The following SEMA3E variants were observed in gnomAD, a reference collection of about 807,000 sequenced individuals.
SEMA3E encodes the protein semaphorin-3E.
Under a neutral mutation model 93.6 loss-of-function variants are expected in SEMA3E, and 49 were observed. The ratio of observed to expected loss-of-function variants is 0.52; its 90% confidence interval spans 0.42 to 0.66. SEMA3E has a LOEUF of 0.66. SEMA3E is among the 30% of genes least tolerant of loss of function. SEMA3E has a pLI of 0.00. For missense variants in SEMA3E, 906 were observed against 964.8 expected, an observed-to-expected ratio of 0.94 and a Z score of 0.81; for synonymous variants, 363 against 330.7, an observed-to-expected ratio of 1.10 and a Z score of -1.06.
chr7:83,512,031 T>C (rs1790834617), intron 1 of SEMA3E, among the ~76,000 whole-genome samples: 1 of 152,166 alleles, frequency 6.6e-6, no homozygotes, highest in Non-Finnish European at 1.5e-5. Context: ...AGATTAAAAG[T>C]TACGATTCAT....
At chr7:83,387,144 G>T in intron 14 of SEMA3E, 94 bp from the exon 15 acceptor site, 1 of 980,528 alleles carries the variant, frequency 1.0e-6, no homozygotes, top group Non-Finnish European at 1.6e-6. Context: ...GTAGTATTCT[G>T]CTACTGAAAA....
At chr7:83,464,556 G>C (rs1789709168) in intron 4 of SEMA3E, among the ~76,000 whole-genome samples, 1 of 138,772 alleles carries the variant, frequency 7.2e-6, no homozygotes, top group Admixed American at 7.8e-5. Flanking sequence ...AATCTTTGCT[G>C]GCAGGACTAT....
chr7:83,482,480 G>C (rs1790165977), intron 2 of SEMA3E, among the ~76,000 whole-genome samples: 1 of 150,162 alleles, frequency 6.7e-6, no homozygotes, highest in African/African-American at 2.5e-5. Context: ...CAGAAGAATG[G>C]CGTGAACCCA....
intron 1 of SEMA3E, among the ~76,000 whole-genome samples, chr7:83,511,312 A>G (rs1790813857): frequency 6.6e-6 from 1 of 150,924 alleles, no homozygotes; most frequent in African/African-American, 2.4e-5. Context: ...ATGAGAAAAC[A>G]GACATTTTAG....
intron 1 of SEMA3E, among the ~76,000 whole-genome samples, chr7:83,619,764 G>C (rs1380102088): frequency 2.0e-5 from 3 of 151,372 alleles, no homozygotes; most frequent in Non-Finnish European, 4.4e-5. Flanking sequence ...GAGACAAAAT[G>C]AAAGTACATA....
chr7:83,474,518 A>C (rs1395711515), intron 2 of SEMA3E, among the ~76,000 whole-genome samples: 2 of 152,246 alleles, frequency 1.3e-5, no homozygotes, highest in African/African-American at 4.8e-5. Flanking sequence ...TATAAACTTT[A>C]AGTGAAAACA....
At chr7:83,460,297 A>G (rs963633910) in intron 4 of SEMA3E, among the ~76,000 whole-genome samples, 2 of 151,258 alleles carry the variant, frequency 1.3e-5, no homozygotes, top group African/African-American at 4.9e-5. Flanking sequence ...CTCTTCTCCA[A>G]CCTCTCTCAC....
chr7:83,559,260 A>G (rs1356135727), intron 1 of SEMA3E, among the ~76,000 whole-genome samples: 1 of 152,076 alleles, frequency 6.6e-6, no homozygotes, highest in Non-Finnish European at 1.5e-5. Flanking sequence ...GACAAGATTG[A>G]AAGGTGATAT....
intron 1 of SEMA3E, among the ~76,000 whole-genome samples, chr7:83,592,390 T>A (rs1792773491): frequency 6.6e-6 from 1 of 152,150 alleles, no homozygotes; most frequent in African/African-American, 2.4e-5. Flanking sequence ...TTTAAAGTAC[T>A]GTTGAGTCTA....
At chr7:83,371,243 T>C (rs1389744017) in intron 16 of SEMA3E, among the ~76,000 whole-genome samples, 2 of 152,138 alleles carry the variant, frequency 1.3e-5, no homozygotes, top group African/African-American at 4.8e-5. Flanking sequence ...ACAAAGATGG[T>C]ATAATATGTT....
rs1787855789 is a variant in SEMA3E at position 83,385,319 on chromosome 7, T to C, written c.1850A>G (p.Lys617Arg). ...CTCCTCTTTTCTTGTCTCACGTCCT[T>C]TCTGTACAAACCAGATAACTTTCGC... ...LQAKVIWFVQ[K>R]GRETRKEEVK... is the part of the protein sequence containing the mutation. The change falls in exon 16 of 17, where the codon AAA (lysine) becomes AGA (arginine). Residue 617 changes from lysine to arginine, a missense_variant. Physicochemically the swap from Lys to Arg is conservative, Grantham distance 26. Transcript: ENST00000643230. The C allele has an allele frequency of 7.4e-6, 12 of 1,613,332 alleles. No individual in the cohort carries two copies. Among genetic ancestry groups the C allele is most frequent in the Non-Finnish European group, 1.0e-5 (12 of 1,179,550 alleles).
rs2116918940 is a variant in SEMA3E, at chr7:83,386,975, T to C, written c.1735+8A>G. The C allele has an allele frequency of 6.2e-7, 1 of 1,612,546 alleles. No homozygotes were observed. Among genetic ancestry groups the C allele is most frequent in the Non-Finnish European group, 8.5e-7 (1 of 1,179,014 alleles). On this transcript the variant is annotated splice_region_variant and intron_variant, in intron 15 of 16. Transcript: ENST00000643230. ...GTAACCCAGAACAACTGATTTTCTA[T>C]GGATTACCAACAAACTGTTGTCCAA...
chr7:83,579,511 A>T (rs1456690506), intron 1 of SEMA3E, among the ~76,000 whole-genome samples: 3 of 152,130 alleles, frequency 2.0e-5, no homozygotes, highest in African/African-American at 7.2e-5. Context: ...ATTATGAATA[A>T]AATTGGCCCA....
At chr7:83,596,422 G>C (rs1351014892) in intron 1 of SEMA3E, among the ~76,000 whole-genome samples, 1 of 151,854 alleles carries the variant, frequency 6.6e-6, no homozygotes, top group African/African-American at 2.4e-5. Context: ...ACTGCTCCTA[G>C]GCTCTCAGTG....
At chr7:83,614,706 C>A (rs757096399) in intron 1 of SEMA3E, among the ~76,000 whole-genome samples, 1 of 152,066 alleles carries the variant, frequency 6.6e-6, no homozygotes, top group Non-Finnish European at 1.5e-5. Context: ...TTGGGAAGTA[C>A]ATTCATGACT....
At chr7:83,379,513 A>C (rs1219545256) in intron 16 of SEMA3E, among the ~76,000 whole-genome samples, 3 of 151,974 alleles carry the variant, frequency 2.0e-5, no homozygotes, top group Non-Finnish European at 4.4e-5. Context: ...TATAATTACA[A>C]CTTATTTTCT....
intron 1 of SEMA3E, among the ~76,000 whole-genome samples, chr7:83,632,612 A>T (rs557597647): frequency 3.3e-4 from 51 of 152,314 alleles, no homozygotes; most frequent in African/African-American, 1.2e-3. Flanking sequence ...AACCATGTGG[A>T]ACTGTAAGTA....
At chr7:83,428,176 C>T (rs1251834690) in intron 4 of SEMA3E, among the ~76,000 whole-genome samples, 1 of 152,184 alleles carries the variant, frequency 6.6e-6, no homozygotes, top group Non-Finnish European at 1.5e-5. Flanking sequence ...CTCTTTTCGA[C>T]AGGTGTGAGT....
chr7:83,462,742 C>T (rs1354364712), intron 4 of SEMA3E, among the ~76,000 whole-genome samples: 1 of 145,340 alleles, frequency 6.9e-6, no homozygotes, highest in African/African-American at 2.6e-5. Context: ...ACTCTCCTTA[C>T]AATTCCCCCA....
Sources: gnomAD v4.1 joint callset for allele counts (sites outside exome capture counted in the v4.1 genomes callset) on GRCh38, gnomAD v4.1.1 for gene constraint, MANE v1.5 for transcripts, NCBI Gene and HGNC (gene_info 2026-07-23, HGNC 2026-07-21) for gene names.